Variants in WDR27 observed in about 807,000 individuals in gnomAD.
WDR27 encodes the protein WD repeat domain 27, also known as WD repeat-containing protein 27.
In WDR27, 100 loss-of-function variants were observed where a neutral mutation model predicts 114.4. The ratio of observed to expected loss-of-function variants is 0.87; its 90% CI spans 0.74 to 1.03. WDR27 has a LOEUF of 1.03. Ranked by LOEUF, WDR27 falls within the 50% of genes least tolerant of loss-of-function variation. The probability of loss-of-function intolerance (pLI) is 0.00; values close to 1 mark genes in which losing one functional copy is unlikely to be tolerated. For missense variants in WDR27, 1,129 were observed against 1,092.9 expected (o/e 1.03, Z -0.47); for synonymous variants, 449 against 423.1 (o/e 1.06, Z -0.75).
At chr6:169,581,751 C>T (rs1367222580) in intron 24 of WDR27, among the ~76,000 whole-genome samples, 2 of 152,160 alleles carry the variant, frequency 1.3e-5, no homozygotes, top group East Asian at 1.9e-4. Flanking sequence ...GCGGTAGTAC[C>T]GCGTGTGCCA....
intron 14 of WDR27, 86 bp downstream of exon 14, chr6:169,651,844 G>T: frequency 8.4e-7 from 1 of 1,195,306 alleles, no homozygotes; most frequent in Non-Finnish European, 1.2e-6. Context: ...GGCCCTCGGG[G>T]ATGTATGTGT....
intron 22 of WDR27, among the ~76,000 whole-genome samples, chr6:169,610,194 T>C (rs1306093618): frequency 6.6e-6 from 1 of 152,236 alleles, no homozygotes. Context: ...TGTTCCAACC[T>C]CTGCCTGTTA....
At chr6:169,688,638 TATAAA>T (rs1220165165) in intron 2 of WDR27, among the ~76,000 whole-genome samples, 174 bp downstream of exon 2, 1 of 151,936 alleles carries the variant, frequency 6.6e-6, no homozygotes, top group Non-Finnish European at 1.5e-5. Flanking sequence ...ATAAAAATAT[TATAAA>T]ATACATGAAA....
intron 9 of WDR27, among the ~76,000 whole-genome samples, chr6:169,661,425 C>A (rs1826069096): frequency 1.3e-5 from 2 of 152,180 alleles, no homozygotes; most frequent in Non-Finnish European, 2.9e-5. Context: ...TCCAGGGAGG[C>A]TGGACATGGA....
At chr6:169,452,245 T>C (rs1302466973), downstream of WDR27, among the ~76,000 whole-genome samples, 1 of 152,254 alleles carries the variant, frequency 6.6e-6, no homozygotes, top group Non-Finnish European at 1.5e-5. Context: ...CCTTACTCAC[T>C]GCGGCTGGAA....
chr6:169,518,533 G>A (rs1047167614), intron 25 of WDR27, among the ~76,000 whole-genome samples: 1 of 152,232 alleles, frequency 6.6e-6, no homozygotes, highest in Non-Finnish European at 1.5e-5. Context: ...AGCTAGAATG[G>A]CCTAGATGCA....
intron 25 of WDR27, 116 bp from the exon 26 acceptor site, chr6:169,457,750 C>T (rs536590835): frequency 3.7e-4 from 262 of 699,718 alleles, no homozygotes; most frequent in African/African-American, 3.7e-3. Flanking sequence ...TCTGGAACAT[C>T]GAGTAAAATA....
At chr6:169,507,010 C>T (rs547992310) in intron 25 of WDR27, among the ~76,000 whole-genome samples, 1 of 152,316 alleles carries the variant, frequency 6.6e-6, no homozygotes, top group South Asian at 2.1e-4. Context: ...CCAAACAACA[C>T]TTGACATTCT....
chr6:169,685,791 T>C (rs966768604), intron 2 of WDR27, among the ~76,000 whole-genome samples: 1 of 152,182 alleles, frequency 6.6e-6, no homozygotes, highest in African/African-American at 2.4e-5. Flanking sequence ...ACATATTTAA[T>C]AAATCATAGC....
intron 1 of WDR27, among the ~76,000 whole-genome samples, chr6:169,693,064 A>G (rs944240606): frequency 6.6e-6 from 1 of 152,254 alleles, no homozygotes; most frequent in African/African-American, 2.4e-5. Context: ...GTCAGGAAGA[A>G]TGAAAGAATC....
At chr6:169,695,524 A>T (rs1321916903) in intron 1 of WDR27, among the ~76,000 whole-genome samples, 1 of 152,218 alleles carries the variant, frequency 6.6e-6, no homozygotes, top group African/African-American at 2.4e-5. Context: ...TTTAGAGGGT[A>T]ACACTCAGAA....
intron 25 of WDR27, among the ~76,000 whole-genome samples, chr6:169,554,304 G>A (rs549180146): frequency 1.0e-3 from 155 of 152,230 alleles, no homozygotes; most frequent in African/African-American, 3.6e-3. Context: ...TGCCTACCAC[G>A]CTCTAAGGGA....
rs186648592 is a variant in WDR27 at position 169,478,168 on chromosome 6, G to A, written c.2646-20534C>T. Among the ~76,000 whole-genome samples, 291 of 152,192 alleles carry A rather than the reference G, an allele frequency of 1.9e-3. 2 individuals carry two copies. Among genetic ancestry groups the A allele is most frequent in the African/African-American group, 6.5e-3 (271 of 41,516 alleles). On this transcript the variant is annotated intron_variant, in intron 25 of 25. Transcript: ENST00000448612. ...CCAAGAGATCTCTCTGGGTGGGGGC[G>A]TTCTTCATCCTGACTGTGGTGGAGG...
At chr6:169,669,214 T>C (rs567053713) in intron 4 of WDR27, among the ~76,000 whole-genome samples, 20 of 152,378 alleles carry the variant, frequency 1.3e-4, no homozygotes, top group Admixed American at 9.8e-4. Flanking sequence ...TATAAACTGT[T>C]GACTTGTTGA....
chr6:169,478,248 T>A (rs1283990192), intron 25 of WDR27, among the ~76,000 whole-genome samples: 1 of 152,212 alleles, frequency 6.6e-6, no homozygotes, highest in Non-Finnish European at 1.5e-5. Context: ...CAAGAATGAA[T>A]CTTGCCATAT....
chr6:169,567,541 A>G (rs565418660), intron 25 of WDR27, among the ~76,000 whole-genome samples: 29 of 152,292 alleles, frequency 1.9e-4, no homozygotes, highest in Non-Finnish European at 3.2e-4. Context: ...AACTTCACAC[A>G]CAGCACCAGG....
At chr6:169,549,717 T>C (rs376865135) in intron 25 of WDR27, among the ~76,000 whole-genome samples, 1 of 152,080 alleles carries the variant, frequency 6.6e-6, no homozygotes, top group Non-Finnish European at 1.5e-5. Context: ...AAGCAAGCCA[T>C]GAAAAGACAC....
At chr6:169,443,200 A>G in the WDR27 span, among the ~76,000 whole-genome samples, 2 of 152,166 alleles carry the variant, frequency 1.3e-5, no homozygotes, top group African/African-American at 4.8e-5. Flanking sequence ...CTGCCACGTC[A>G]GCCACAGAAT....
intron 25 of WDR27, among the ~76,000 whole-genome samples, chr6:169,494,289 C>A (rs537053635): frequency 1.5e-4 from 23 of 152,228 alleles, no homozygotes; most frequent in Non-Finnish European, 3.4e-4. Context: ...GCCGACTCTC[C>A]CTTAGGTAAA....
Sources: gnomAD v4.1 joint callset for allele counts (sites outside exome capture counted in the v4.1 genomes callset) on GRCh38, gnomAD v4.1.1 for gene constraint, MANE v1.5 for transcripts, NCBI Gene and HGNC (gene_info 2026-07-23, HGNC 2026-07-21) for gene names.